PARN: variants seen among roughly 807,000 people sequenced by gnomAD.
PARN encodes poly(A)-specific ribonuclease.
Under a neutral mutation model 102.8 loss-of-function variants are expected in PARN, and 71 were observed. That is an observed-to-expected ratio of 0.69 (90% confidence interval 0.57 to 0.84). The LOEUF (loss-of-function observed/expected upper bound fraction) is 0.84, where lower values mean the gene tolerates loss of function less well. Among genes scored for constraint, PARN ranks in the 40% least tolerant of loss-of-function variants. The pLI is 0.00. For synonymous variants in PARN, 261 were observed against 252.9 expected (o/e 1.03, Z -0.30); for missense variants, 782 against 760.9 (o/e 1.03, Z -0.33).
chr16:14,571,130 T>C (rs534318672), intron 18 of PARN, among the ~76,000 whole-genome samples: 1 of 152,324 alleles, frequency 6.6e-6, no homozygotes, highest in East Asian at 1.9e-4. Flanking sequence ...ATGCCTGTAA[T>C]TCCAACACTT....
At chr16:14,566,941 G>A (rs1177162737) in intron 18 of PARN, among the ~76,000 whole-genome samples, 1 of 152,212 alleles carries the variant, frequency 6.6e-6, no homozygotes, top group Non-Finnish European at 1.5e-5. Flanking sequence ...AAATAAGGCA[G>A]TATCAACTTG....
chr16:14,603,862 G>A (rs1315876923), intron 11 of PARN, among the ~76,000 whole-genome samples: 1 of 152,210 alleles, frequency 6.6e-6, no homozygotes, highest in African/African-American at 2.4e-5. Flanking sequence ...AAAGGATAGT[G>A]ACACTCAGTG....
intron 21 of PARN, among the ~76,000 whole-genome samples, chr16:14,525,878 G>A (rs1054806686): frequency 6.6e-6 from 1 of 152,150 alleles, no homozygotes; most frequent in Non-Finnish European, 1.5e-5. Context: ...GTGTACAGTG[G>A]TGCGATCCTG....
At chr16:14,586,959 T>C (rs912708909) in intron 13 of PARN, among the ~76,000 whole-genome samples, 3 of 152,238 alleles carry the variant, frequency 2.0e-5, no homozygotes, top group Admixed American at 1.3e-4. Context: ...AGACAATTCA[T>C]TTCTCAAGTT....
chr16:14,564,771 C>T (rs1177815889), intron 18 of PARN, among the ~76,000 whole-genome samples: 1 of 152,122 alleles, frequency 6.6e-6, no homozygotes, highest in Non-Finnish European at 1.5e-5. Context: ...CCTAAGAACT[C>T]AGTATTTTCA....
intron 22 of PARN, among the ~76,000 whole-genome samples, chr16:14,461,183 G>T (rs1436406029): frequency 7.9e-5 from 12 of 152,234 alleles, no homozygotes; most frequent in Non-Finnish European, 1.5e-4. Flanking sequence ...CAAAAACAAG[G>T]AGAGTCAGAG....
rs62037482 is a variant in PARN, at chr16:14,622,568, G to C, written c.327+4538C>G. Reference sequence around the variant, plus strand: ...CACCCAGGCTGGAGCGCAGTGGCGCGATCTTGGCTCAGTGCAAGCTCTGCC... The same window carrying C: ...CACCCAGGCTGGAGCGCAGTGGCGCCATCTTGGCTCAGTGCAAGCTCTGCC... On this transcript the variant is annotated intron_variant, in intron 5 of 23. Transcript: ENST00000437198. 4.4e-3 allele frequency among the ~76,000 whole-genome samples: 673 copies of C among 152,346 alleles called. 4 individuals carry two copies. Among genetic ancestry groups the C allele is most frequent in the Admixed American group, 7.1e-3 (109 of 15,312 alleles).
chr16:14,527,436 T>C (rs936595907), intron 21 of PARN, among the ~76,000 whole-genome samples: 6 of 152,210 alleles, frequency 3.9e-5, no homozygotes, highest in Non-Finnish European at 8.8e-5. Context: ...GAACTGCAAA[T>C]AAAGCCAATC....
At chr16:14,587,400 A>G (rs1969926331) in intron 13 of PARN, among the ~76,000 whole-genome samples, 1 of 152,264 alleles carries the variant, frequency 6.6e-6, no homozygotes, top group East Asian at 1.9e-4. Context: ...CTCAAGTATC[A>G]AGATAGTTCA....
intron 22 of PARN, among the ~76,000 whole-genome samples, chr16:14,457,931 GGT>G (rs565874587): frequency 6.9e-5 from 10 of 145,640 alleles, no homozygotes; most frequent in Non-Finnish European, 9.2e-5. Context: ...TGTGTGTGTG[GGT>G]GTGTGTGTGT....
intron 11 of PARN, among the ~76,000 whole-genome samples, chr16:14,602,416 C>T (rs1228700057): frequency 6.6e-6 from 1 of 152,130 alleles, no homozygotes; most frequent in Non-Finnish European, 1.5e-5. Context: ...ATGCCTAGCC[C>T]TCACCCCTCT....
intron 12 of PARN, among the ~76,000 whole-genome samples, chr16:14,599,037 C>CCT (rs1970716379): frequency 4.9e-5 from 4 of 81,462 alleles, no homozygotes; most frequent in Non-Finnish European, 6.9e-5. Context: ...TTCTCCTCTT[C>CCT]TTTTTTTTTT....
intron 5 of PARN, among the ~76,000 whole-genome samples, chr16:14,623,476 T>C (rs1175711235): frequency 6.7e-6 from 1 of 149,914 alleles, no homozygotes; most frequent in Non-Finnish European, 1.5e-5. Context: ...ATCGCACCAC[T>C]GCACTCCAGC....
At chr16:14,617,382 C>CAAA (rs66483121) in intron 6 of PARN, among the ~76,000 whole-genome samples, 1 of 91,870 alleles carries the variant, frequency 1.1e-5, no homozygotes, top group Admixed American at 1.2e-4. Context: ...AGACTCTTCT[C>CAAA]AAAAAAAAAA....
chr16:14,605,564 T>G (rs558700526), intron 10 of PARN, among the ~76,000 whole-genome samples: 1 of 152,374 alleles, frequency 6.6e-6, no homozygotes, highest in East Asian at 1.9e-4. Flanking sequence ...AACTCTGGAT[T>G]TTCTGCCAAA....
chr16:14,446,157 C>CTG (rs1371540365), intron 23 of PARN, among the ~76,000 whole-genome samples: 1 of 152,236 alleles, frequency 6.6e-6, no homozygotes, highest in African/African-American at 2.4e-5. Context: ...TGGCCTCTTG[C>CTG]TGTGGCCCTG....
rs555791611 is a variant in PARN at position 14,551,296 on chromosome 16, T to C, written c.1480+725A>G. Among the ~76,000 whole-genome samples, 10 of 151,952 alleles carry C rather than the reference T, an allele frequency of 6.6e-5. No individual in the cohort carries two copies. In the South Asian group the frequency reaches 8.4e-4, roughly 13 times the overall value. On this transcript the variant is annotated intron_variant, in intron 21 of 23. Coordinates refer to ENST00000437198, the MANE Select transcript of PARN (RefSeq NM_002582.4). ...TTTGTTTGTAAAACAAGGCTGGGCATTGTGGCTCATGCCTGTAATCCCAGC... is the reference window on the plus strand; with the variant it reads ...TTTGTTTGTAAAACAAGGCTGGGCACTGTGGCTCATGCCTGTAATCCCAGC...
intron 6 of PARN, among the ~76,000 whole-genome samples, chr16:14,613,135 C>T (rs1367747225): frequency 6.6e-6 from 1 of 151,448 alleles, no homozygotes; most frequent in Non-Finnish European, 1.5e-5. Context: ...CATGGAGAAA[C>T]CCTGTCTCTA....
chr16:14,436,749 C>T lies in PARN; in HGVS notation c.1888G>A (p.Ala630Thr). Reference sequence around the variant, plus strand: ...GTGTCAGGAACTTCAAAGAGTGTGGCAGGGCTGTTCTTCGAGATGCTTCCT... The same window carrying T: ...GTGTCAGGAACTTCAAAGAGTGTGGTAGGGCTGTTCTTCGAGATGCTTCCT... ...PAGSISKNSP[A>T]TLFEVPDTW The change falls in exon 24 of 24, where the codon GCC becomes ACC. Residue 630 changes from alanine (A) to threonine (T), a missense_variant. Transcript: ENST00000437198. The T allele has an allele frequency of 6.3e-7, 1 of 1,597,972 alleles. No individual in the cohort carries two copies. The highest frequency in any genetic ancestry group is 8.5e-7 in the Non-Finnish European group (1 of 1,172,348).
Sources: gnomAD v4.1 joint callset for allele counts (sites outside exome capture counted in the v4.1 genomes callset) on GRCh38, gnomAD v4.1.1 for gene constraint, MANE v1.5 for transcripts, NCBI Gene and HGNC (gene_info 2026-07-23, HGNC 2026-07-21) for gene names.